Variants in NARS1 observed in about 807,000 individuals in gnomAD.
The protein encoded by NARS1 is asparagine--tRNA ligase, cytoplasmic.
In NARS1, 65 loss-of-function variants were observed where a neutral mutation model predicts 79.2. The ratio of observed to expected loss-of-function variants is 0.82; its 90% CI spans 0.67 to 1.01. The LOEUF (loss-of-function observed/expected upper bound fraction) is 1.01. Among genes scored for constraint, NARS1 ranks in the 50% least tolerant of loss-of-function variants. The pLI is 0.00. For missense variants in NARS1, 649 were observed against 673.8 expected (o/e 0.96, Z 0.41); for synonymous variants, 229 against 238.8 (o/e 0.96, Z 0.38).
Position 57,607,425 on chromosome 18 carries a change from C to G in NARS1, c.801+19G>C, listed in dbSNP as rs1359939915. The G allele has an allele frequency of 6.2e-7, 1 of 1,612,464 alleles. No individual in the cohort carries two copies. The highest frequency in any genetic ancestry group is 1.3e-5 in the African/African-American group (1 of 75,034). ...GCAAAAAACATATTCTTTGCAAAAGCTGACGAATGCATACTTACTTCATAG... is the reference window on the plus strand; with the variant it reads ...GCAAAAAACATATTCTTTGCAAAAGGTGACGAATGCATACTTACTTCATAG... On this transcript the variant is annotated intron_variant, in intron 8 of 13. Transcript: ENST00000256854.
At chr18:57,620,727 T>C (rs2122463880) in intron 1 of NARS1, 76 bp from the exon 2 acceptor site, 1 of 845,552 alleles carries the variant, frequency 1.2e-6, no homozygotes, top group Non-Finnish European at 1.9e-6. Flanking sequence ...TCATTCCTTA[T>C]CTTTGTAAAC....
intron 7 of NARS1, 133 bp from the exon 8 acceptor site, chr18:57,607,798 G>C: frequency 1.5e-6 from 1 of 681,428 alleles, no homozygotes; most frequent in South Asian, 2.0e-5. Context: ...CTCAGCTTTA[G>C]TTTAGTTTTA....
At chr18:57,609,525 A>G (rs2051588295) in intron 6 of NARS1, 82 bp from the exon 7 acceptor site, 2 of 1,101,824 alleles carry the variant, frequency 1.8e-6, no homozygotes, top group South Asian at 2.7e-5. Context: ...GGGATTGTTT[A>G]CAAACAAGTT....
intron 13 of NARS1, 129 bp downstream of exon 13, chr18:57,602,226 C>T: frequency 1.2e-6 from 1 of 838,756 alleles, no homozygotes; most frequent in South Asian, 1.9e-5. Flanking sequence ...CACATTATAA[C>T]CTGCAAACTG....
chr18:57,620,981 G>C (rs1022526701), intron 1 of NARS1, among the ~76,000 whole-genome samples: 2 of 152,154 alleles, frequency 1.3e-5, no homozygotes, highest in African/African-American at 4.8e-5. Flanking sequence ...ACCTTAAAAG[G>C]CAGGGTGACT....
chr18:57,613,696 AAAC>A lies in NARS1; in HGVS notation c.343-19_343-17del, dbSNP rs1568165639. On this transcript the variant is annotated splice_polypyrimidine_tract_variant and intron_variant, in intron 4 of 13. Transcript: ENST00000256854. ...CAATCTTCACCTGTCAAATTGAAAT[AAAC>A]AACATTTGTTCAATAATGTCATTTA... 2 of 1,601,022 alleles carry A rather than the reference AAAC, an allele frequency of 1.2e-6. No individual in the cohort carries two copies. The highest frequency in any genetic ancestry group is 1.7e-5 in the Admixed American group (1 of 59,556).
chr18:57,613,197 CA>C (rs970025195), intron 5 of NARS1, among the ~76,000 whole-genome samples: 191 of 136,690 alleles, frequency 1.4e-3, no homozygotes, highest in Middle Eastern at 3.7e-3. Flanking sequence ...GCCAGCATAC[CA>C]AAAAAAAAAA....
In NARS1 at chr18:57,601,581, G is replaced by A. The variant is rs146069417; in HGVS notation, c.*71C>T. 1,072 of 1,437,486 alleles carry A rather than the reference G, an allele frequency of 7.5e-4. 15 individuals are homozygous for A. The African/African-American group carries it at 0.013, about 18-fold the overall frequency. 89.0% of individuals were successfully genotyped at this position (1,437,486 alleles called of 1,614,324 possible). A position where few individuals can be genotyped will look rare whatever the true frequency, so the allele number is the denominator to read the frequency against. On this transcript the variant is annotated 3_prime_UTR_variant, in exon 14 of 14. Coordinates refer to ENST00000256854, the MANE Select transcript of NARS1 (RefSeq NM_004539.4). ...AATGAAACAAAAAAAGGAAGATTCTGGCTTTTTGTTTTCTTTTTTAAAGAG... is the reference window on the plus strand; with the variant it reads ...AATGAAACAAAAAAAGGAAGATTCTAGCTTTTTGTTTTCTTTTTTAAAGAG...
At chr18:57,617,929 GA>G (rs111801038) in intron 2 of NARS1, among the ~76,000 whole-genome samples, 42 of 139,842 alleles carry the variant, frequency 3.0e-4, no homozygotes, top group African/African-American at 1.0e-3. Context: ...AAAAAAAAAA[GA>G]AAAAAAAGAA....
chr18:57,600,933 C>T lies in NARS1; in HGVS notation c.*719G>A, dbSNP rs1350536045. ...CCAGGAAAGAGGGAAAATCAATCTG[C>T]CTCTTTACCTTAAATTAATGCTAAG... On this transcript the variant is annotated 3_prime_UTR_variant, in exon 14 of 14. Coordinates refer to ENST00000256854, the MANE Select transcript of NARS1 (RefSeq NM_004539.4). 3 of 152,166 alleles carry T rather than the reference C, an allele frequency of 2.0e-5. No homozygotes were observed. The highest frequency in any genetic ancestry group is 1.3e-4 in the Admixed American group (2 of 15,270). 9.4% of individuals were successfully genotyped at this position (152,166 alleles called of 1,614,324 possible).
At chr18:57,606,564 T>TG in intron 10 of NARS1, 52 bp downstream of exon 10, 2 of 1,569,154 alleles carry the variant, frequency 1.3e-6, no homozygotes, top group South Asian at 2.3e-5. Flanking sequence ...AAGACTTCAT[T>TG]GTCTTCCAAA....
At chr18:57,612,780 T>C in intron 5 of NARS1, among the ~76,000 whole-genome samples, 1 of 152,094 alleles carries the variant, frequency 6.6e-6, no homozygotes, top group East Asian at 1.9e-4. Context: ...TTACAATAAA[T>C]AGTAAAAGTG....
intron 6 of NARS1, among the ~76,000 whole-genome samples, chr18:57,610,852 T>C (rs2051599225): frequency 6.6e-6 from 1 of 151,946 alleles, no homozygotes; most frequent in African/African-American, 2.4e-5. Context: ...CTCGTTCAAA[T>C]CAATCAACTA....
chr18:57,601,805 G>GA (rs1223593117), intron 13 of NARS1, 22 bp from the exon 14 acceptor site: 1 of 1,610,308 alleles, frequency 6.2e-7, no homozygotes, highest in Non-Finnish European at 8.5e-7. Flanking sequence ...AAGAAAGAAA[G>GA]AAAGAGGAGT....
intron 7 of NARS1, among the ~76,000 whole-genome samples, chr18:57,607,869 C>CTTT (rs1197731953): frequency 7.0e-6 from 1 of 142,146 alleles, no homozygotes. Flanking sequence ...ACACAAATAT[C>CTTT]TTTTTTTTTT....
chr18:57,621,659 T>C, intron 1 of NARS1, 49 bp downstream of exon 1: 1 of 1,562,438 alleles, frequency 6.4e-7, no homozygotes, highest in Non-Finnish European at 8.8e-7. Context: ...TGGAGCAGAG[T>C]TCCTGCCCCA....
chr18:57,613,389 A>G (rs2051621104), intron 5 of NARS1, among the ~76,000 whole-genome samples: 1 of 152,120 alleles, frequency 6.6e-6, no homozygotes, highest in African/African-American at 2.4e-5. Context: ...GCTACTCAGG[A>G]GGCTGAGGCA....
chr18:57,610,258 G>A (rs1282906488), intron 6 of NARS1, among the ~76,000 whole-genome samples: 2 of 152,156 alleles, frequency 1.3e-5, no homozygotes, highest in Admixed American at 6.5e-5. Context: ...GATCACCTGA[G>A]GTCAGGAGTT....
At chr18:57,607,972 A>T (rs1200679883) in intron 7 of NARS1, among the ~76,000 whole-genome samples, 3 of 150,808 alleles carry the variant, frequency 2.0e-5, no homozygotes, top group Non-Finnish European at 4.4e-5. Context: ...GGTTCAAGCG[A>T]TTCTCCTACC....
Sources: gnomAD v4.1 joint callset for allele counts (sites outside exome capture counted in the v4.1 genomes callset) on GRCh38, gnomAD v4.1.1 for gene constraint, MANE v1.5 for transcripts, NCBI Gene and HGNC (gene_info 2026-07-23, HGNC 2026-07-21) for gene names.